The following EVI2A variants were observed in gnomAD, a reference collection of about 807,000 sequenced individuals.
The protein encoded by EVI2A is ecotropic viral integration site 2A.
In EVI2A, 11 loss-of-function variants were observed where a neutral mutation model predicts 13.0. That is an observed-to-expected ratio of 0.85 (90% confidence interval 0.53 to 1.40). The LOEUF (loss-of-function observed/expected upper bound fraction) is 1.40, where lower values mean the gene tolerates loss of function less well. Ranked by LOEUF, EVI2A falls within the 40% of genes most tolerant of loss-of-function variation. The probability of loss-of-function intolerance (pLI) is 0.00; values close to 1 mark genes in which losing one functional copy is unlikely to be tolerated. For synonymous variants in EVI2A, 89 were observed against 98.0 expected (o/e 0.91, Z 0.54); for missense variants, 267 against 279.5 (o/e 0.96, Z 0.32).
intron 1 of EVI2A, chr17:31,321,137 T>G (rs2069177766): frequency 6.6e-6 from 1 of 152,248 alleles, no homozygotes; most frequent in Non-Finnish European, 1.5e-5. Context: ...AGAAGTTTTC[T>G]TATATCTGAT....
chr17:31,320,766 G>A (rs1170600237), intron 1 of EVI2A, among the ~76,000 whole-genome samples: 2 of 152,084 alleles, frequency 1.3e-5, no homozygotes, highest in Admixed American at 1.3e-4. Context: ...ATAAATCTTT[G>A]GATATTTCAT....
Position 31,318,400 on chromosome 17 carries a change from G to T in EVI2A, c.614C>A (p.Pro205His). 3.7e-6 allele frequency: 6 copies of T among 1,613,922 alleles called. No homozygotes were observed. The highest frequency in any genetic ancestry group is 5.1e-6 in the Non-Finnish European group (6 of 1,179,986). ...TWKRTKQLTG[P>H]NLVMQSTGVL... ...TCCAGTAGATTGCATCACTAGGTTG[G>T]GTCCTGTGAGCTGTTTTGTTCTTTT... The change falls in exon 2 of 2, where the codon CCC (proline) becomes CAC (histidine). Residue 205 changes from proline (P) to histidine (H), a missense_variant. Physicochemically the swap from Pro to His is moderately conservative, Grantham distance 77. Coordinates refer to ENST00000462804, the MANE Select transcript of EVI2A (RefSeq NM_014210.4).
chr17:31,320,576 G>A (rs756051911), intron 1 of EVI2A: 13 of 642,910 alleles, frequency 2.0e-5, no homozygotes, highest in Non-Finnish European at 3.2e-5. Context: ...AACAAAAGTA[G>A]CATGTAATAA....
chr17:31,320,567 A>C, intron 1 of EVI2A: 1 of 683,506 alleles, frequency 1.5e-6, no homozygotes. Context: ...AGTTATGCAA[A>C]CAAAAGTAGC....
intron 1 of EVI2A, among the ~76,000 whole-genome samples, chr17:31,319,406 A>G (rs941387447): frequency 6.6e-6 from 1 of 151,998 alleles, no homozygotes; most frequent in East Asian, 1.9e-4. Flanking sequence ...TCATTCTTAC[A>G]GAAACTACCC....
chr17:31,318,853 T>C lies in EVI2A; in HGVS notation c.161A>G (p.Asn54Ser). Reference sequence around the variant, plus strand: ...GTTTGTGTTAATGTTTTCATTTTGGTTTCTGCCTGTCTTGTTTTGAATAAC... The same window carrying C: ...GTTTGTGTTAATGTTTTCATTTTGGCTTCTGCCTGTCTTGTTTTGAATAAC... The part of the protein sequence containing the change: ...DSVIQNKTGR[N>S]QNENINTNPI... The change falls in exon 2 of 2, where the codon AAC becomes AGC. Residue 54 changes from asparagine (N) to serine (S), a missense_variant. Physicochemically the swap from Asn to Ser is conservative, Grantham distance 46. Transcript: ENST00000462804. The C allele has an allele frequency of 1.2e-6, 2 of 1,614,086 alleles. No individual in the cohort carries two copies. The highest frequency in any genetic ancestry group is 1.1e-5 in the South Asian group (1 of 91,088).
chr17:31,318,224 C>T lies in EVI2A; in HGVS notation c.*79G>A, dbSNP rs933214889. 4.0e-6 allele frequency: 6 copies of T among 1,512,200 alleles called. No individual in the cohort carries two copies. In the African/African-American group the frequency reaches 8.4e-5, roughly 21 times the overall value. 93.7% of individuals were successfully genotyped at this position (1,512,200 alleles called of 1,614,324 possible). On this transcript the variant is annotated 3_prime_UTR_variant, in exon 2 of 2. Transcript: ENST00000462804. Reference sequence around the variant, plus strand: ...CATGTCAAATTTTAGATAATCAGAACAACACTTTGGGATTAAATACCAACT... The same window carrying T: ...CATGTCAAATTTTAGATAATCAGAATAACACTTTGGGATTAAATACCAACT...
At position 31,317,368 on chromosome 17, in the gene EVI2A, A is replaced by AACGCAC. The variant is rs34766876; in HGVS notation, c.*934_*935insGTGCGT. Among the ~76,000 whole-genome samples, 43 of 144,562 alleles carry AACGCAC rather than the reference A, an allele frequency of 3.0e-4. No homozygotes were observed. The highest frequency in any genetic ancestry group is 1.1e-4 in the Non-Finnish European group (7 of 65,632). The allele number at this position is 144,562 out of a possible 152,430, so 94.8% of individuals were successfully genotyped here. On this transcript the variant is annotated 3_prime_UTR_variant, in exon 2 of 2. Coordinates refer to ENST00000462804, the MANE Select transcript of EVI2A (RefSeq NM_014210.4). ...TGAAGTATGCAGTTTTCCAGATTTG[A>AACGCAC]ACACACACACACACACACACACACA...
chr17:31,320,992 T>C (rs988524530), intron 1 of EVI2A: 5 of 152,256 alleles, frequency 3.3e-5, no homozygotes, highest in Non-Finnish European at 7.3e-5. Context: ...TTGATTGTCT[T>C]CAGCCAGATG....
chr17:31,319,109 G>C, intron 1 of EVI2A, 86 bp from the exon 2 acceptor site: 3 of 1,369,148 alleles, frequency 2.2e-6, no homozygotes, highest in Non-Finnish European at 3.0e-6. Context: ...ATAGTGTTGA[G>C]ATGTTACAAG....
Position 31,317,396 on chromosome 17 carries a change from CA to C in EVI2A, c.*906del, listed in dbSNP as rs2069050252. Among the ~76,000 whole-genome samples the C allele has an allele frequency of 5.9e-5, 9 of 151,820 alleles. No individual in the cohort carries two copies. The highest frequency in any genetic ancestry group is 2.2e-4 in the African/African-American group (9 of 41,410). ...ACACACACACACACACACACACACA[CA>C]CACACACCCCTAATAAATCATTAGG... is the stretch of plus-strand genomic sequence containing the variant. On this transcript the variant is annotated 3_prime_UTR_variant, in exon 2 of 2. Coordinates refer to ENST00000462804, the MANE Select transcript of EVI2A (RefSeq NM_014210.4).
At chr17:31,319,885 T>A (rs1008076961) in intron 1 of EVI2A, among the ~76,000 whole-genome samples, 1 of 151,738 alleles carries the variant, frequency 6.6e-6, no homozygotes, top group South Asian at 2.1e-4. Flanking sequence ...TAAAAAAAAA[T>A]GTGTAATAAA....
rs148914404 is a variant in EVI2A at position 31,318,807 on chromosome 17, A to G, written c.207T>C (p.Asp69=). The change falls in exon 2 of 2, where the codon GAT becomes GAC. Residue 69 remains aspartate, a synonymous_variant. Coordinates refer to ENST00000462804, the MANE Select transcript of EVI2A (RefSeq NM_014210.4). Reference sequence around the variant, plus strand: ...GCATGTTTGTAGAATTACCTTTATAATCTACTTCAGGAGTTATAGGGTTTG... The same window carrying G: ...GCATGTTTGTAGAATTACCTTTATAGTCTACTTCAGGAGTTATAGGGTTTG... ...INTNPITPEV[D]YKGNSTNMPE... The G allele has an allele frequency of 3.1e-5, 50 of 1,613,986 alleles. No individual in the cohort carries two copies. The African/African-American group carries it at 5.9e-4, about 19-fold the overall frequency.
In EVI2A at chr17:31,319,040, A is replaced by G. The variant is rs2069107224; in HGVS notation, c.-10-17T>C. ...CTTGGCAATCTGTTGGGATAGCAAT[A>G]TAATTTGTTAGTTTGTGAAAGAATA... On this transcript the variant is annotated splice_polypyrimidine_tract_variant and intron_variant, in intron 1 of 1. Transcript: ENST00000462804. 6.4e-7 allele frequency: 1 copy of G among 1,560,194 alleles called. No homozygotes were observed. The highest frequency in any genetic ancestry group is 8.6e-7 in the Non-Finnish European group (1 of 1,161,326).
rs533327074 is a variant in EVI2A, at chr17:31,317,518, T to C, written c.*785A>G. On this transcript the variant is annotated 3_prime_UTR_variant, in exon 2 of 2. Transcript: ENST00000462804. ...TATTTATAGAAAAGATGAATATTAT[T>C]AATCATAAACAGTGAAACATACTTT... 6.6e-6 allele frequency: 1 copy of C among 152,180 alleles called. No homozygotes were observed. Among genetic ancestry groups the C allele is most frequent in the South Asian group, 2.1e-4 (1 of 4,824 alleles). 9.4% of individuals were successfully genotyped at this position (152,180 alleles called of 1,614,324 possible).
In EVI2A at chr17:31,317,960, A is replaced by T; in HGVS notation, c.*343T>A. 4.4e-6 allele frequency: 1 copy of T among 227,750 alleles called. No individual in the cohort carries two copies. The highest frequency in any genetic ancestry group is 8.6e-6 in the Non-Finnish European group (1 of 115,840). 14.1% of individuals were successfully genotyped at this position (227,750 alleles called of 1,614,324 possible). A position where few individuals can be genotyped will look rare whatever the true frequency, so the allele number is the denominator to read the frequency against. ...CTAAAACTATTCAAAGTTTAATTAC[A>T]TTCAGACAAAGATCATCTAACCACT... On this transcript the variant is annotated 3_prime_UTR_variant, in exon 2 of 2. Transcript: ENST00000462804.
At chr17:31,320,661 T>G in intron 1 of EVI2A, 1 of 430,356 alleles carries the variant, frequency 2.3e-6, no homozygotes, top group Non-Finnish European at 4.2e-6. Context: ...GGATTAAGAT[T>G]ACTTTTTAGA....
chr17:31,316,981 G>C lies in EVI2A; in HGVS notation c.*1322C>G, dbSNP rs1321932498. Among the ~76,000 whole-genome samples, 3 of 152,262 alleles carry C rather than the reference G, an allele frequency of 2.0e-5. No individual in the cohort carries two copies. The East Asian group carries it at 5.8e-4, about 29-fold the overall frequency. ...AGTTCACCCCATTCCAGTTGCATCA[G>C]AAGGAAGACATGGGAATTAGGCATT... On this transcript the variant is annotated 3_prime_UTR_variant, in exon 2 of 2. Coordinates refer to ENST00000462804, the MANE Select transcript of EVI2A (RefSeq NM_014210.4).
intron 1 of EVI2A, chr17:31,320,348 A>AC: frequency 1.3e-6 from 2 of 1,528,592 alleles, no homozygotes; most frequent in Non-Finnish European, 1.7e-6. Context: ...TTATTTAAAA[A>AC]AAAAAAAAAA....
Sources: allele counts gnomAD v4.1 joint callset (sites outside exome capture counted in the v4.1 genomes callset), GRCh38; gene constraint gnomAD v4.1.1; transcripts MANE v1.5; gene names NCBI Gene and HGNC (gene_info 2026-07-23, HGNC 2026-07-21).